The following CD200R1 variants were observed in gnomAD, a reference collection of about 807,000 sequenced individuals.
CD200R1 encodes the protein CD200 receptor 1.
A neutral mutation model predicts 38.1 loss-of-function variants in CD200R1; 30 were observed. That is an observed-to-expected ratio of 0.79 (90% confidence interval 0.59 to 1.07). The LOEUF (loss-of-function observed/expected upper bound fraction) is 1.07. Among genes scored for constraint, CD200R1 ranks in the 50% least tolerant of loss-of-function variants. CD200R1 has a pLI of 0.00. For missense variants in CD200R1, 372 were observed against 415.4 expected, an observed-to-expected ratio of 0.90 and a Z score of 0.91; for synonymous variants, 128 against 152.1, an observed-to-expected ratio of 0.84 and a Z score of 1.16.
chr3:112,947,182 T>C (rs906444846), intron 2 of CD200R1, among the ~76,000 whole-genome samples: 12 of 152,158 alleles, frequency 7.9e-5, no homozygotes, highest in African/African-American at 2.7e-4. Context: ...AATTACTCTA[T>C]AAAATATTAT....
chr3:112,958,574 T>G (rs1932921502), intron 1 of CD200R1, among the ~76,000 whole-genome samples: 1 of 152,180 alleles, frequency 6.6e-6, no homozygotes, highest in Admixed American at 6.5e-5. Flanking sequence ...TATATACAAC[T>G]GCCATAATTT....
chr3:112,962,934 G>A (rs4682449), intron 1 of CD200R1, among the ~76,000 whole-genome samples: 5,226 of 152,288 alleles, frequency 0.034, 206 homozygotes, highest in Admixed American at 0.12. Flanking sequence ...GAATTCCCAT[G>A]TGTTGTGGGA....
chr3:112,958,991 C>CA (rs949882156), intron 1 of CD200R1, among the ~76,000 whole-genome samples: 37 of 149,530 alleles, frequency 2.5e-4, no homozygotes, highest in Admixed American at 6.0e-4. Context: ...TCCAGTGAGA[C>CA]AAAAAAAAAG....
chr3:112,943,922 A>G (rs1940781561), intron 2 of CD200R1, among the ~76,000 whole-genome samples: 1 of 151,880 alleles, frequency 6.6e-6, no homozygotes, highest in African/African-American at 2.4e-5. Context: ...AAACAGGACT[A>G]TATCTAGTAA....
intron 2 of CD200R1, among the ~76,000 whole-genome samples, chr3:112,939,072 A>T (rs1013301342): frequency 1.3e-5 from 2 of 152,020 alleles, no homozygotes; most frequent in African/African-American, 2.4e-5. Flanking sequence ...AAAATTCAAC[A>T]TCCCTTCATC....
chr3:112,938,665 T>C (rs1013353254), intron 2 of CD200R1, among the ~76,000 whole-genome samples: 1 of 152,082 alleles, frequency 6.6e-6, no homozygotes, highest in Non-Finnish European at 1.5e-5. Context: ...AGCTGAATTC[T>C]ACCAAACTTT....
intron 1 of CD200R1, among the ~76,000 whole-genome samples, chr3:112,959,081 T>C (rs573957619): frequency 1.3e-5 from 2 of 152,272 alleles, no homozygotes; most frequent in South Asian, 4.1e-4. Flanking sequence ...CTGCATGCTC[T>C]ACTCTCTAAA....
chr3:112,970,290 T>C lies in CD200R1; in HGVS notation c.67+4501A>G, dbSNP rs184862681. 1.9e-3 allele frequency among the ~76,000 whole-genome samples: 291 copies of C among 152,320 alleles called. 3 individuals are homozygous for C. The highest frequency in any genetic ancestry group is 6.7e-3 in the African/African-American group (279 of 41,580). On this transcript the variant is annotated intron_variant, in intron 1 of 7. Coordinates refer to ENST00000308611, the MANE Select transcript of CD200R1 (RefSeq NM_138806.4). ...ATGGGGTCTAGGCATATAAATTCTA[T>C]GTAGAAAAACTCTGAAGTTGTTGCT...
At chr3:112,956,733 C>A (rs1941108097) in intron 1 of CD200R1, among the ~76,000 whole-genome samples, 1 of 152,182 alleles carries the variant, frequency 6.6e-6, no homozygotes, top group South Asian at 2.1e-4. Context: ...ATCACTGTGG[C>A]CATTGGAGCA....
Position 112,934,312 on chromosome 3 carries a change from A to T in CD200R1, c.137-3141T>A, listed in dbSNP as rs191702519. ...TTTCTCATCAGAAACCTTATGGGCCAAGAGAAAATGGAGTGATACATTCAA... is the reference window on the plus strand; with the variant it reads ...TTTCTCATCAGAAACCTTATGGGCCTAGAGAAAATGGAGTGATACATTCAA... On this transcript the variant is annotated intron_variant, in intron 2 of 7. Coordinates refer to ENST00000308611, the MANE Select transcript of CD200R1 (RefSeq NM_138806.4). 5.2e-4 allele frequency among the ~76,000 whole-genome samples: 79 copies of T among 152,276 alleles called. 2 individuals carry two copies. The highest frequency in any genetic ancestry group is 8.8e-4 in the Non-Finnish European group (60 of 68,026).
intron 2 of CD200R1, among the ~76,000 whole-genome samples, chr3:112,937,329 A>C (rs570252306): frequency 6.6e-6 from 1 of 152,146 alleles, no homozygotes; most frequent in East Asian, 1.9e-4. Context: ...AGATTATAGA[A>C]ACTACATTTC....
chr3:112,952,201 AT>A (rs1179404383), intron 1 of CD200R1, among the ~76,000 whole-genome samples: 1 of 152,086 alleles, frequency 6.6e-6, no homozygotes, highest in East Asian at 1.9e-4. Context: ...TACTTTATTG[AT>A]TTTTATCTCC....
chr3:112,940,628 G>C (rs1160669267), intron 2 of CD200R1, among the ~76,000 whole-genome samples: 1 of 151,714 alleles, frequency 6.6e-6, no homozygotes, highest in Non-Finnish European at 1.5e-5. Context: ...AGTTAGAATG[G>C]CTATTATCAA....
At chr3:112,960,056 C>T (rs1932977865) in intron 1 of CD200R1, among the ~76,000 whole-genome samples, 1 of 151,920 alleles carries the variant, frequency 6.6e-6, no homozygotes, top group African/African-American at 2.4e-5. Context: ...ATATATTTCT[C>T]CTAAAGATTC....
intron 4 of CD200R1, 56 bp from the exon 5 acceptor site, chr3:112,929,120 A>G (rs780411020): frequency 6.2e-7 from 1 of 1,612,316 alleles, no homozygotes; most frequent in Non-Finnish European, 8.5e-7. Context: ...AGCATATGGA[A>G]TTCAGAGAGA....
intron 1 of CD200R1, among the ~76,000 whole-genome samples, chr3:112,956,191 T>C (rs78062284): frequency 0.02 from 2,974 of 152,176 alleles, 108 homozygotes; most frequent in African/African-American, 0.068. Context: ...GTGAGCCTTC[T>C]TCATTTCTTT....
intron 1 of CD200R1, among the ~76,000 whole-genome samples, chr3:112,972,264 G>T (rs184986142): frequency 6.8e-4 from 103 of 152,262 alleles, no homozygotes; most frequent in African/African-American, 2.5e-3. Flanking sequence ...CCCTTCTTTT[G>T]CACAATTGTT....
chr3:112,923,597 T>C lies in CD200R1; in HGVS notation c.*80A>G. The C allele has an allele frequency of 1.3e-6, 1 of 762,894 alleles. No homozygotes were observed. Among genetic ancestry groups the C allele is most frequent in the South Asian group, 1.9e-5 (1 of 53,576 alleles). 47.3% of individuals were successfully genotyped at this position (762,894 alleles called of 1,614,324 possible). A position where few individuals can be genotyped will look rare whatever the true frequency, so the allele number is the denominator to read the frequency against. On this transcript the variant is annotated 3_prime_UTR_variant, in exon 8 of 8. Coordinates refer to ENST00000308611, the MANE Select transcript of CD200R1 (RefSeq NM_138806.4). The stretch of plus-strand genomic sequence containing the variant: ...AACCTAATTTCAATATAAGTCTTCA[T>C]TCTAGAACTGTAAGAAAATCAGACA...
chr3:112,963,708 G>GA lies in CD200R1; in HGVS notation c.67+11082dup, dbSNP rs542327838. On this transcript the variant is annotated intron_variant, in intron 1 of 7. Transcript: ENST00000308611. Reference sequence around the variant, plus strand: ...AAATTTGCAGCCTGACAGTGTCATAGAAAAAAAAAATCCCACTTTCTGAGG... The same window carrying GA: ...AAATTTGCAGCCTGACAGTGTCATAGAAAAAAAAAAATCCCACTTTCTGAGG... 4.5e-3 allele frequency among the ~76,000 whole-genome samples: 680 copies of GA among 149,860 alleles called. 5 individuals are homozygous for GA. The highest frequency in any genetic ancestry group is 0.015 in the African/African-American group (614 of 40,878).
Sources: allele counts gnomAD v4.1 joint callset (sites outside exome capture counted in the v4.1 genomes callset), GRCh38; gene constraint gnomAD v4.1.1; transcripts MANE v1.5; gene names NCBI Gene and HGNC (gene_info 2026-07-23, HGNC 2026-07-21).